The following FBXL17 variants were observed in gnomAD, a reference collection of about 807,000 sequenced individuals.
FBXL17 encodes F-box/LRR-repeat protein 17.
Under a neutral mutation model 66.2 loss-of-function variants are expected in FBXL17, and 22 were observed. The observed-to-expected ratio is 0.33, with a 90% CI of 0.24 to 0.47. FBXL17 has a LOEUF of 0.47. Among genes scored for constraint, FBXL17 ranks in the 20% least tolerant of loss-of-function variants. The probability of loss-of-function intolerance (pLI) is 1.00; values close to 1 mark genes in which losing one functional copy is unlikely to be tolerated. For synonymous variants in FBXL17, 474 were observed against 400.5 expected, an observed-to-expected ratio of 1.18 and a Z score of -2.19; for missense variants, 878 against 948.2, an observed-to-expected ratio of 0.93 and a Z score of 0.97.
At chr5:107,915,366 A>T (rs1386249824) in intron 7 of FBXL17, among the ~76,000 whole-genome samples, 1 of 152,242 alleles carries the variant, frequency 6.6e-6, no homozygotes, top group African/African-American at 2.4e-5. Flanking sequence ...AATAAAAAAA[A>T]GAACCGTAGT....
intron 1 of FBXL17, among the ~76,000 whole-genome samples, 154 bp from the exon 2 acceptor site, chr5:108,368,107 A>T (rs1268249868): frequency 6.6e-6 from 1 of 152,174 alleles, no homozygotes; most frequent in Non-Finnish European, 1.5e-5. Context: ...AGATCACCTT[A>T]AAGAGAAACT....
Position 108,117,568 on chromosome 5 carries a change from C to T in FBXL17, c.1745+68549G>A, listed in dbSNP as rs191024398. Among the ~76,000 whole-genome samples, 75 of 152,146 alleles carry T rather than the reference C, an allele frequency of 4.9e-4. 1 individual carries two copies. In the South Asian group the frequency reaches 0.013, roughly 27 times the overall value. The stretch of plus-strand genomic sequence containing the variant: ...ACAGTAACTATGAGTATGCCTTTCA[C>T]GTACAAAAGACCCTCAAAGATTAAA... On this transcript the variant is annotated intron_variant, in intron 6 of 8. Transcript: ENST00000542267.
intron 7 of FBXL17, among the ~76,000 whole-genome samples, chr5:108,002,553 G>A (rs930729296): frequency 2.6e-5 from 4 of 152,032 alleles, no homozygotes; most frequent in African/African-American, 4.8e-5. Context: ...ATGAGAACAC[G>A]TGTTCAAATG....
At position 108,068,442 on chromosome 5, in the gene FBXL17, A is replaced by AT. The variant is rs1163895917; in HGVS notation, c.1746-47442dup. 9.9e-3 allele frequency among the ~76,000 whole-genome samples: 682 copies of AT among 68,828 alleles called. 5 individuals carry two copies. The highest frequency in any genetic ancestry group is 0.036 in the African/African-American group (641 of 17,766). 45.2% of individuals were successfully genotyped at this position (68,828 alleles called of 152,430 possible). ...CTAAATACTCCTAATTTCTTTTCTTATTTTTTTTCTTTTTTTGGGGGGGGG... is the reference window on the plus strand; with the variant it reads ...CTAAATACTCCTAATTTCTTTTCTTATTTTTTTTTCTTTTTTTGGGGGGGGG... On this transcript the variant is annotated intron_variant, in intron 6 of 8. Coordinates refer to ENST00000542267, the MANE Select transcript of FBXL17 (RefSeq NM_001163315.3).
rs959414661 is a variant in FBXL17 at position 108,115,388 on chromosome 5, G to T, written c.1745+70729C>A. Reference sequence around the variant, plus strand: ...AGTATTTAAAATTTTTTTTAAAAAAGCTCACGCTATCATATATATAAACTT... The same window carrying T: ...AGTATTTAAAATTTTTTTTAAAAAATCTCACGCTATCATATATATAAACTT... On this transcript the variant is annotated intron_variant, in intron 6 of 8. Coordinates refer to ENST00000542267, the MANE Select transcript of FBXL17 (RefSeq NM_001163315.3). Among the ~76,000 whole-genome samples the T allele has an allele frequency of 2.0e-5, 3 of 151,722 alleles. No individual in the cohort carries two copies. In the East Asian group the frequency reaches 5.8e-4, roughly 29 times the overall value.
chr5:108,067,317 G>T (rs1246828685), intron 6 of FBXL17, among the ~76,000 whole-genome samples: 1 of 151,734 alleles, frequency 6.6e-6, no homozygotes, highest in Non-Finnish European at 1.5e-5. Flanking sequence ...CTTCCTTCTG[G>T]GCACTATATC....
rs1234594598 is a variant in FBXL17 at position 107,861,810 on chromosome 5, G to C, written c.2016C>G (p.Thr672=). 6.3e-7 allele frequency: 1 copy of C among 1,576,248 alleles called. No individual in the cohort carries two copies. Among genetic ancestry groups the C allele is most frequent in the South Asian group, 1.2e-5 (1 of 85,944 alleles). ...TGCAGTCCTGCAGGACGGTGCTGAA[G>C]GTGATGTGGGGGTACTGCTGCACCA... The part of the protein sequence containing the change: ...EQLVQQYPHI[T]FSTVLQDCKR... Residue 672 remains threonine, a synonymous_variant, in exon 9 of 9, where the codon ACC becomes ACG. Transcript: ENST00000542267.
At chr5:108,116,476 A>G (rs1416105032) in intron 6 of FBXL17, among the ~76,000 whole-genome samples, 1 of 133,898 alleles carries the variant, frequency 7.5e-6, no homozygotes, top group East Asian at 2.7e-4. Context: ...TGTCTCTACT[A>G]AAAATACAAA....
At chr5:107,897,626 A>C (rs1262726549) in intron 7 of FBXL17, among the ~76,000 whole-genome samples, 1 of 152,112 alleles carries the variant, frequency 6.6e-6, no homozygotes, top group Non-Finnish European at 1.5e-5. Context: ...TCCAAATGCA[A>C]TGTCTCTAAT....
intron 4 of FBXL17, among the ~76,000 whole-genome samples, chr5:108,276,771 GA>G (rs907736470): frequency 6.6e-6 from 1 of 151,726 alleles, no homozygotes; most frequent in Non-Finnish European, 1.5e-5. Flanking sequence ...GACCACTCAA[GA>G]AAAAAAATTA....
At chr5:108,271,120 T>C (rs1035075972) in intron 4 of FBXL17, among the ~76,000 whole-genome samples, 7 of 150,978 alleles carry the variant, frequency 4.6e-5, no homozygotes, top group Admixed American at 1.3e-4. Context: ...CAGAAGAGAA[T>C]ATGATTAATG....
chr5:108,215,865 T>G (rs1042877874), intron 5 of FBXL17, among the ~76,000 whole-genome samples: 4 of 152,184 alleles, frequency 2.6e-5, no homozygotes, highest in African/African-American at 9.7e-5. Context: ...CATGTTATAG[T>G]TAATTTTTAT....
chr5:108,263,200 T>C (rs1756907941), intron 4 of FBXL17, among the ~76,000 whole-genome samples: 1 of 152,180 alleles, frequency 6.6e-6, no homozygotes, highest in Non-Finnish European at 1.5e-5. Flanking sequence ...ATGGAGGGTC[T>C]GCATCTCCTT....
chr5:108,338,454 C>A (rs1046567076), intron 4 of FBXL17, among the ~76,000 whole-genome samples: 1 of 151,996 alleles, frequency 6.6e-6, no homozygotes, highest in African/African-American at 2.4e-5. Context: ...ATTTTATGCT[C>A]CAATCAAAAA....
chr5:108,269,821 T>A (rs980294485), intron 4 of FBXL17, among the ~76,000 whole-genome samples: 3 of 152,102 alleles, frequency 2.0e-5, no homozygotes, highest in African/African-American at 7.2e-5. Context: ...CTGAAATCTT[T>A]TAGACGAGGG....
chr5:108,323,625 C>G (rs1240743458), intron 4 of FBXL17, among the ~76,000 whole-genome samples: 1 of 151,904 alleles, frequency 6.6e-6, no homozygotes, highest in East Asian at 1.9e-4. Flanking sequence ...AATCTAAGGA[C>G]CACAAATAGC....
intron 4 of FBXL17, among the ~76,000 whole-genome samples, chr5:108,294,591 T>C (rs1265115664): frequency 6.6e-6 from 1 of 152,002 alleles, no homozygotes; most frequent in East Asian, 1.9e-4. Context: ...AGAATAAAAA[T>C]CTCAAACTGA....
chr5:108,176,965 A>G (rs953725210), intron 6 of FBXL17, among the ~76,000 whole-genome samples: 26 of 152,150 alleles, frequency 1.7e-4, no homozygotes, highest in African/African-American at 6.3e-4. Flanking sequence ...AATTTTGCCA[A>G]TTATTTCTTG....
chr5:108,194,324 T>C (rs1753590872), intron 5 of FBXL17, among the ~76,000 whole-genome samples: 1 of 152,136 alleles, frequency 6.6e-6, no homozygotes, highest in African/African-American at 2.4e-5. Flanking sequence ...TTCCACTACC[T>C]GGTTCAAATC....
Sources: gnomAD v4.1 joint callset for allele counts (sites outside exome capture counted in the v4.1 genomes callset) on GRCh38, gnomAD v4.1.1 for gene constraint, MANE v1.5 for transcripts, NCBI Gene and HGNC (gene_info 2026-07-23, HGNC 2026-07-21) for gene names.